The following CNTNAP5 variants were observed in gnomAD, a reference collection of about 807,000 sequenced individuals.
CNTNAP5 encodes the protein contactin associated protein family member 5.
Under a neutral mutation model 150.2 loss-of-function variants are expected in CNTNAP5, and 72 were observed. The observed-to-expected ratio is 0.48, with a 90% CI of 0.40 to 0.58. The LOEUF (loss-of-function observed/expected upper bound fraction) is 0.58, where lower values mean the gene tolerates loss of function less well. CNTNAP5 is among the 20% of genes least tolerant of loss of function. The pLI is 0.00. For synonymous variants in CNTNAP5, 672 were observed against 619.8 expected, an observed-to-expected ratio of 1.08 and a Z score of -1.25; for missense variants, 1,636 against 1,626.2, an observed-to-expected ratio of 1.01 and a Z score of -0.10.
intron 1 of CNTNAP5, among the ~76,000 whole-genome samples, chr2:124,171,691 T>A (rs1282486719): frequency 6.6e-6 from 1 of 152,214 alleles, no homozygotes; most frequent in Non-Finnish European, 1.5e-5. Context: ...GTCCTAGCCA[T>A]TCTGGGCATT....
intron 1 of CNTNAP5, among the ~76,000 whole-genome samples, chr2:124,065,225 C>T (rs905998589): frequency 1.3e-5 from 2 of 152,112 alleles, no homozygotes; most frequent in African/African-American, 4.8e-5. Flanking sequence ...ACAGCAGTTA[C>T]TGAATGTTCT....
At chr2:124,268,452 C>A (rs80144573) in intron 3 of CNTNAP5, among the ~76,000 whole-genome samples, 84 of 152,216 alleles carry the variant, frequency 5.5e-4, no homozygotes, top group African/African-American at 1.7e-3. Flanking sequence ...CTACCCCAAC[C>A]CTACAGTGAT....
intron 12 of CNTNAP5, among the ~76,000 whole-genome samples, chr2:124,610,846 A>T (rs1677363343): frequency 6.6e-6 from 1 of 150,492 alleles, no homozygotes; most frequent in Non-Finnish European, 1.5e-5. Context: ...AATCCCAACT[A>T]CTCCCGAGGC....
intron 10 of CNTNAP5, among the ~76,000 whole-genome samples, chr2:124,541,959 C>T (rs1205584176): frequency 6.6e-6 from 1 of 152,122 alleles, no homozygotes. Flanking sequence ...ATAGAATTAT[C>T]CTAAATGTAG....
chr2:124,035,557 G>A lies in CNTNAP5; in HGVS notation c.82+9825G>A, dbSNP rs151236387. Among the ~76,000 whole-genome samples the A allele has an allele frequency of 4.3e-4, 66 of 152,264 alleles. No homozygotes were observed. The East Asian group carries it at 0.012, about 28-fold the overall frequency. On this transcript the variant is annotated intron_variant, in intron 1 of 23. Coordinates refer to ENST00000682447, the MANE Select transcript of CNTNAP5 (RefSeq NM_001367498.1). ...CTGAAGTGCTGCTCACCGGGAAATA[G>A]AGTGCACGGGAACCCAGGGGATTCT...
chr2:124,816,177 A>C (rs934107991), intron 19 of CNTNAP5, among the ~76,000 whole-genome samples: 2 of 152,198 alleles, frequency 1.3e-5, no homozygotes, highest in African/African-American at 4.8e-5. Flanking sequence ...GCTGGATTAG[A>C]AGAGCAAACG....
At chr2:124,654,092 G>A (rs1678383531) in intron 13 of CNTNAP5, among the ~76,000 whole-genome samples, 1 of 152,152 alleles carries the variant, frequency 6.6e-6, no homozygotes, top group Non-Finnish European at 1.5e-5. Context: ...GGGACAGGAT[G>A]AGGCAGGTGC....
intron 10 of CNTNAP5, among the ~76,000 whole-genome samples, chr2:124,537,037 T>TGTGAGA (rs763560577): frequency 6.6e-5 from 10 of 150,544 alleles, no homozygotes; most frequent in African/African-American, 2.4e-4. Flanking sequence ...TGTGTGTGTG[T>TGTGAGA]GAGAGAGAGA....
At chr2:124,621,331 C>T (rs933564734) in intron 12 of CNTNAP5, among the ~76,000 whole-genome samples, 5 of 152,174 alleles carry the variant, frequency 3.3e-5, no homozygotes, top group Admixed American at 1.3e-4. Context: ...AATCATCAGG[C>T]ATTACAAGGA....
At chr2:124,452,074 C>T (rs1002486335) in intron 6 of CNTNAP5, among the ~76,000 whole-genome samples, 4 of 152,014 alleles carry the variant, frequency 2.6e-5, no homozygotes, top group Non-Finnish European at 5.9e-5. Flanking sequence ...AATCCAGTGT[C>T]CAGAATCCAC....
At chr2:124,698,873 G>A (rs2105087535) in intron 13 of CNTNAP5, among the ~76,000 whole-genome samples, 1 of 152,196 alleles carries the variant, frequency 6.6e-6, no homozygotes, top group African/African-American at 2.4e-5. Context: ...TTCCACAGAG[G>A]GACACTTCCT....
At chr2:124,419,740 C>T (rs1692033893) in intron 4 of CNTNAP5, among the ~76,000 whole-genome samples, 1 of 152,154 alleles carries the variant, frequency 6.6e-6, no homozygotes, top group Non-Finnish European at 1.5e-5. Flanking sequence ...TCTTCAATCA[C>T]TAGTGCTGAT....
intron 3 of CNTNAP5, among the ~76,000 whole-genome samples, chr2:124,304,834 G>T (rs555678355): frequency 1.4e-4 from 22 of 152,250 alleles, no homozygotes; most frequent in Admixed American, 2.6e-4. Context: ...AACCTCCATT[G>T]TTTGTGCACT....
intron 3 of CNTNAP5, among the ~76,000 whole-genome samples, chr2:124,278,422 C>T (rs893711040): frequency 1.3e-5 from 2 of 152,144 alleles, no homozygotes; most frequent in East Asian, 1.9e-4. Context: ...ATTCATTACG[C>T]TCAGCTTTAT....
intron 19 of CNTNAP5, among the ~76,000 whole-genome samples, chr2:124,842,878 A>G (rs1682972219): frequency 1.3e-5 from 2 of 152,082 alleles, no homozygotes; most frequent in Admixed American, 1.3e-4. Context: ...ATTCTCAAAA[A>G]GCTGAGAATA....
intron 11 of CNTNAP5, among the ~76,000 whole-genome samples, chr2:124,567,833 G>A (rs1696059179): frequency 7.8e-6 from 1 of 128,164 alleles, no homozygotes; most frequent in Non-Finnish European, 1.6e-5. Flanking sequence ...TTAGGGCATA[G>A]ATGATAGATA....
chr2:124,225,332 G>A (rs954076057), intron 2 of CNTNAP5, among the ~76,000 whole-genome samples: 9 of 152,072 alleles, frequency 5.9e-5, no homozygotes, highest in East Asian at 1.9e-4. Context: ...GGCCATGCCC[G>A]GCTTTCACCC....
At chr2:124,131,376 C>T (rs1683838871) in intron 1 of CNTNAP5, among the ~76,000 whole-genome samples, 1 of 152,112 alleles carries the variant, frequency 6.6e-6, no homozygotes, top group African/African-American at 2.4e-5. Context: ...ATCATTCAGT[C>T]CTGCCAACAA....
At chr2:124,318,341 T>G (rs1232520404) in intron 3 of CNTNAP5, among the ~76,000 whole-genome samples, 2 of 152,222 alleles carry the variant, frequency 1.3e-5, no homozygotes, top group African/African-American at 4.8e-5. Context: ...ATACCTTCAA[T>G]TCAAACAGAA....
Sources: gnomAD v4.1 joint callset for allele counts (sites outside exome capture counted in the v4.1 genomes callset) on GRCh38, gnomAD v4.1.1 for gene constraint, MANE v1.5 for transcripts, NCBI Gene and HGNC (gene_info 2026-07-23, HGNC 2026-07-21) for gene names.